Variants in EED observed in about 807,000 individuals in gnomAD.
The protein encoded by EED is embryonic ectoderm development.
A neutral mutation model predicts 61.0 loss-of-function variants in EED; 9 were observed. The ratio of observed to expected loss-of-function variants is 0.15; its 90% CI spans 0.09 to 0.26. The LOEUF (loss-of-function observed/expected upper bound fraction) is 0.26. Among genes scored for constraint, EED ranks in the 10% least tolerant of loss-of-function variants. EED has a pLI of 1.00. For missense variants in EED, 315 were observed against 542.3 expected (o/e 0.58, Z 4.16); for synonymous variants, 187 against 174.4 (o/e 1.07, Z -0.57).
intron 2 of EED, among the ~76,000 whole-genome samples, chr11:86,250,800 G>C (rs1048785459): frequency 6.6e-6 from 1 of 152,082 alleles, no homozygotes; most frequent in Non-Finnish European, 1.5e-5. Context: ...TTTTTAAAAA[G>C]AACTGAATGT....
At chr11:86,251,566 A>G (rs1331423806) in intron 2 of EED, among the ~76,000 whole-genome samples, 3 of 152,220 alleles carry the variant, frequency 2.0e-5, no homozygotes, top group South Asian at 4.1e-4. Flanking sequence ...ACAAAAGTGC[A>G]TAATTGTTCT....
intron 9 of EED, among the ~76,000 whole-genome samples, chr11:86,268,762 C>T (rs1946045405): frequency 1.3e-5 from 2 of 151,984 alleles, no homozygotes; most frequent in Admixed American, 1.3e-4. Context: ...ATAAAACATG[C>T]CATTGAATTA....
At chr11:86,270,642 T>G (rs1946093419) in intron 9 of EED, among the ~76,000 whole-genome samples, 1 of 152,226 alleles carries the variant, frequency 6.6e-6, no homozygotes, top group Non-Finnish European at 1.5e-5. Context: ...TGTAAAAGTT[T>G]TATACTGCTA....
rs1484157084 is a variant in EED, at chr11:86,245,218, A to T, written c.-12A>T. 34 of 1,608,374 alleles carry T rather than the reference A, an allele frequency of 2.1e-5. No individual in the cohort carries two copies. Among genetic ancestry groups the T allele is most frequent in the Non-Finnish European group, 2.9e-5 (34 of 1,177,126 alleles). ...CCCCAGGCGGCAGGAACCTGGAGGGAGGCGGAGGAATATGTCCGAGAGGGA... is the reference window on the plus strand; with the variant it reads ...CCCCAGGCGGCAGGAACCTGGAGGGTGGCGGAGGAATATGTCCGAGAGGGA... On this transcript the variant is annotated 5_prime_UTR_variant, in exon 1 of 12. Coordinates refer to ENST00000263360, the MANE Select transcript of EED (RefSeq NM_003797.5).
intron 8 of EED, among the ~76,000 whole-genome samples, chr11:86,266,863 A>C (rs912917663): frequency 6.6e-6 from 1 of 152,194 alleles, no homozygotes; most frequent in Non-Finnish European, 1.5e-5. Flanking sequence ...GTATGTCTGC[A>C]TGTTAACTTT....
chr11:86,274,513 C>T (rs953598767), intron 9 of EED, among the ~76,000 whole-genome samples: 1 of 152,118 alleles, frequency 6.6e-6, no homozygotes, highest in African/African-American at 2.4e-5. Context: ...GATACCTTTT[C>T]AGCTGGGGAA....
intron 3 of EED, 85 bp from the exon 4 acceptor site, chr11:86,255,137 A>G: frequency 9.4e-7 from 1 of 1,066,292 alleles, no homozygotes; most frequent in South Asian, 1.5e-5. Flanking sequence ...TTAAGATAGG[A>G]TTGCGATTAA....
intron 9 of EED, among the ~76,000 whole-genome samples, chr11:86,273,551 C>T (rs1228347840): frequency 6.6e-6 from 1 of 152,122 alleles, no homozygotes; most frequent in African/African-American, 2.4e-5. Context: ...CTTTCTGTTT[C>T]GAAAACTTTC....
intron 5 of EED, among the ~76,000 whole-genome samples, chr11:86,257,276 G>A (rs540759203): frequency 6.6e-6 from 1 of 150,576 alleles, no homozygotes; most frequent in Non-Finnish European, 1.5e-5. Flanking sequence ...GACCTCAAGC[G>A]ATTCTGCCTT....
At chr11:86,246,895 G>A (rs1225890636) in intron 1 of EED, among the ~76,000 whole-genome samples, 3 of 152,148 alleles carry the variant, frequency 2.0e-5, no homozygotes, top group African/African-American at 7.2e-5. Flanking sequence ...ACCTCATAGA[G>A]TATTTGTAAG....
chr11:86,245,444 A>G (rs1945369252), intron 1 of EED, 101 bp downstream of exon 1: 7 of 975,612 alleles, frequency 7.2e-6, no homozygotes, highest in Non-Finnish European at 1.1e-5. Flanking sequence ...GGGGGGAGGG[A>G]GAGGTGTCAC....
chr11:86,251,233 C>A, intron 2 of EED, among the ~76,000 whole-genome samples: 1 of 152,056 alleles, frequency 6.6e-6, no homozygotes, highest in East Asian at 1.9e-4. Flanking sequence ...AGCAAAAATT[C>A]GATGCTCAGT....
rs1945347642 is a variant in EED at position 86,245,004 on chromosome 11, G to C, written c.-226G>C. The stretch of plus-strand genomic sequence containing the variant: ...GGGAGTTGGGGAAGGGAAGGAGCCA[G>C]GAAGCCGCGCGGGAGGGCGCGCGCG... On this transcript the variant is annotated 5_prime_UTR_variant, in exon 1 of 12. Transcript: ENST00000263360. 4.4e-6 allele frequency: 2 copies of C among 458,936 alleles called. No homozygotes were observed. The highest frequency in any genetic ancestry group is 7.7e-6 in the Non-Finnish European group (2 of 258,606). The allele number at this position is 458,936 out of a possible 1,614,324, so 28.4% of individuals were successfully genotyped here.
downstream of EED, among the ~76,000 whole-genome samples, chr11:86,279,297 G>A (rs1021065424): frequency 2.0e-4 from 30 of 152,176 alleles, no homozygotes; most frequent in African/African-American, 6.8e-4. Context: ...AAGGAGGAGA[G>A]GATATAGAAG....
chr11:86,255,618 T>C (rs992672425), intron 4 of EED, among the ~76,000 whole-genome samples: 2 of 152,160 alleles, frequency 1.3e-5, no homozygotes, highest in African/African-American at 4.8e-5. Context: ...TCCTTTTTCT[T>C]TGACCTTGCC....
chr11:86,261,634 T>A (rs1243417732), intron 6 of EED, among the ~76,000 whole-genome samples: 2 of 152,208 alleles, frequency 1.3e-5, no homozygotes, highest in Non-Finnish European at 2.9e-5. Context: ...CTTTGTGATG[T>A]CTTTTGAAAT....
chr11:86,286,755 G>C, the EED span, among the ~76,000 whole-genome samples: 1 of 151,880 alleles, frequency 6.6e-6, no homozygotes, highest in African/African-American at 2.4e-5. Flanking sequence ...GGCAGATCAC[G>C]AGGTCAGGAG....
chr11:86,280,060 GTAT>G (rs1483017241), downstream of EED, among the ~76,000 whole-genome samples: 1 of 152,100 alleles, frequency 6.6e-6, no homozygotes, highest in African/African-American at 2.4e-5. Context: ...CCGTAGAAAT[GTAT>G]TATTCACTAC....
chr11:86,286,649 A>C, the EED span, among the ~76,000 whole-genome samples: 64 of 152,172 alleles, frequency 4.2e-4, no homozygotes, highest in African/African-American at 1.5e-3. Flanking sequence ...GTAGGTTTTA[A>C]ATTTTTTTTA....
Sources: gnomAD v4.1 joint callset for allele counts (sites outside exome capture counted in the v4.1 genomes callset) on GRCh38, gnomAD v4.1.1 for gene constraint, MANE v1.5 for transcripts, NCBI Gene and HGNC (gene_info 2026-07-23, HGNC 2026-07-21) for gene names.